FBXO47: variants seen among roughly 807,000 people sequenced by gnomAD.
FBXO47 encodes F-box only protein 47.
In FBXO47, 34 loss-of-function variants were observed where a neutral mutation model predicts 53.9. The observed-to-expected ratio is 0.63, with a 90% CI of 0.48 to 0.84. The LOEUF is 0.84. Among genes scored for constraint, FBXO47 ranks in the 40% least tolerant of loss-of-function variants. The pLI is 0.00. For synonymous variants in FBXO47, 165 were observed against 181.6 expected (o/e 0.91, Z 0.73); for missense variants, 485 against 541.3 (o/e 0.90, Z 1.03).
At chr17:38,944,838 GCGTGCATGCA>G in intron 7 of FBXO47, 112 bp downstream of exon 7, 1 of 747,278 alleles carries the variant, frequency 1.3e-6, no homozygotes, top group Non-Finnish European at 2.1e-6. Flanking sequence ...ACCACTGTGT[GCGTGCATGCA>G]TGTGTGTGTG....
At chr17:38,952,293 A>C (rs142695327) in intron 5 of FBXO47, among the ~76,000 whole-genome samples, 7 of 152,064 alleles carry the variant, frequency 4.6e-5, no homozygotes, top group South Asian at 2.1e-4. Flanking sequence ...CTGCACTCCA[A>C]CCTGGGCAAC....
chr17:38,943,632 A>C lies in FBXO47; in HGVS notation c.898T>G (p.Trp300Gly). The C allele has an allele frequency of 6.2e-7, 1 of 1,606,740 alleles. No individual in the cohort carries two copies. The highest frequency in any genetic ancestry group is 1.1e-5 in the South Asian group (1 of 89,770). The change falls in exon 8 of 11, where the codon TGG becomes GGG. Residue 300 changes from tryptophan (W) to glycine (G), a missense_variant. Coordinates refer to ENST00000378079, the MANE Select transcript of FBXO47 (RefSeq NM_001008777.3). ...KLLYDASTKE[W>G]TADDVISLVD... ...AGACTGATAACATCATCTGCTGTCC[A>C]CTCTTTAGTGCTAGCGTCATATAGT...
chr17:38,964,576 G>A (rs920595638), intron 1 of FBXO47, among the ~76,000 whole-genome samples: 5 of 151,744 alleles, frequency 3.3e-5, no homozygotes, highest in Admixed American at 1.3e-4. Flanking sequence ...CATGAGAATC[G>A]CTTGAACCCG....
chr17:38,940,832 C>T (rs1378946536), intron 9 of FBXO47, among the ~76,000 whole-genome samples: 2 of 151,782 alleles, frequency 1.3e-5, no homozygotes, highest in Non-Finnish European at 2.9e-5. Flanking sequence ...CACACCACCA[C>T]ACCCAGCTAG....
chr17:38,949,455 TAACAAC>T (rs376365030), intron 6 of FBXO47, among the ~76,000 whole-genome samples: 3 of 150,822 alleles, frequency 2.0e-5, no homozygotes, highest in East Asian at 1.9e-4. Context: ...AAAACAACAA[TAACAAC>T]AACAACAACA....
At chr17:38,946,028 A>T (rs1329341709) in intron 6 of FBXO47, among the ~76,000 whole-genome samples, 1 of 133,862 alleles carries the variant, frequency 7.5e-6, no homozygotes, top group Non-Finnish European at 1.5e-5. Flanking sequence ...AAAATATAAA[A>T]ATATATATAA....
chr17:38,946,409 G>GAT (rs1302200901), intron 6 of FBXO47, among the ~76,000 whole-genome samples: 7 of 52,028 alleles, frequency 1.3e-4, no homozygotes, highest in East Asian at 7.3e-4. Context: ...TAAATATATA[G>GAT]ATATATATAT....
At chr17:38,954,058 C>T (rs1305789990) in intron 5 of FBXO47, among the ~76,000 whole-genome samples, 2 of 151,710 alleles carry the variant, frequency 1.3e-5, no homozygotes, top group Non-Finnish European at 2.9e-5. Flanking sequence ...TTTGGGAGGC[C>T]GAGGTGGGTG....
At position 38,942,781 on chromosome 17, in the gene FBXO47, A is replaced by C. The variant is rs919990119; in HGVS notation, c.1080T>G (p.Ala360=). The C allele has an allele frequency of 6.2e-7, 1 of 1,601,728 alleles. No individual in the cohort carries two copies. Among genetic ancestry groups the C allele is most frequent in the South Asian group, 1.1e-5 (1 of 88,326 alleles). Residue 360 remains alanine (A), a synonymous_variant, in exon 9 of 11, where the codon GCT becomes GCG. Transcript: ENST00000378079. ...AGAAAAACTTATTTTTACTTACCAA[A>C]GCCAAAAAGACTACGAGCCTTGCCA... ...IELARLVVFL[A]LVCEKELYCM... is the part of the protein sequence containing the mutation.
At chr17:38,946,904 A>AT (rs1356519690) in intron 6 of FBXO47, among the ~76,000 whole-genome samples, 10 of 121,006 alleles carry the variant, frequency 8.3e-5, no homozygotes, top group African/African-American at 2.0e-4. Context: ...AAACATATAT[A>AT]AATATATATA....
intron 3 of FBXO47, among the ~76,000 whole-genome samples, chr17:38,960,861 A>G (rs1216829680): frequency 6.6e-6 from 1 of 151,990 alleles, no homozygotes; most frequent in Non-Finnish European, 1.5e-5. Context: ...TGAACTCCTG[A>G]CCTCAGGTGA....
chr17:38,937,312 G>T, intron 10 of FBXO47, 22 bp from the exon 11 acceptor site: 1 of 1,018,670 alleles, frequency 9.8e-7, no homozygotes, highest in Non-Finnish European at 1.5e-6. Context: ...ACATAGTGGG[G>T]AAAAGAAAAT....
intron 6 of FBXO47, among the ~76,000 whole-genome samples, chr17:38,947,522 G>A (rs938114408): frequency 7.9e-5 from 12 of 152,014 alleles, no homozygotes; most frequent in Non-Finnish European, 1.3e-4. Flanking sequence ...TGCTCAGGCT[G>A]GTTTTGAACT....
chr17:38,952,815 C>CTTTTTTTTTTTTTTTTTTTTTTTTTTT (rs139105548), intron 5 of FBXO47, among the ~76,000 whole-genome samples: 3 of 115,354 alleles, frequency 2.6e-5, no homozygotes, highest in East Asian at 5.6e-4. Flanking sequence ...TTATTTATGA[C>CTTTTTTTTTTTTTTTTTTTTTTTTTTT]TTTTTTTTTT....
chr17:38,941,241 C>T (rs959779743), intron 9 of FBXO47, among the ~76,000 whole-genome samples: 2 of 151,760 alleles, frequency 1.3e-5, no homozygotes, highest in African/African-American at 4.9e-5. Flanking sequence ...GCATGATCTG[C>T]TCACTGCAAC....
chr17:38,944,560 G>C (rs529248174), intron 7 of FBXO47, among the ~76,000 whole-genome samples: 42 of 151,886 alleles, frequency 2.8e-4, no homozygotes, highest in Admixed American at 5.3e-4. Flanking sequence ...AAATTAGCCA[G>C]GCATGGTGGC....
intron 6 of FBXO47, among the ~76,000 whole-genome samples, chr17:38,949,760 T>C (rs1339723419): frequency 6.6e-6 from 1 of 152,152 alleles, no homozygotes; most frequent in East Asian, 1.9e-4. Context: ...TCTGAGACAG[T>C]GTCTCACTCC....
At position 38,944,971 on chromosome 17, in the gene FBXO47, G is replaced by A. The variant is rs1338334545; in HGVS notation, c.782C>T (p.Ser261Phe). The change falls in exon 7 of 11, where the codon TCT (serine) becomes TTT (phenylalanine). Residue 261 changes from serine to phenylalanine, a missense_variant. Physicochemically the swap from Ser to Phe is radical, Grantham distance 155. Transcript: ENST00000378079. Reference protein sequence around the residue: ...RLLYIIFGPISPQDGQVVWQE... With the variant: ...RLLYIIFGPIFPQDGQVVWQE... Reference sequence around the variant, plus strand: ...AGATGGGTGCTCACCATCTTGAGGAGATATTGGCCCAAAGATGATATACAG... The same window carrying A: ...AGATGGGTGCTCACCATCTTGAGGAAATATTGGCCCAAAGATGATATACAG... 3 of 1,613,628 alleles carry A rather than the reference G, an allele frequency of 1.9e-6. No homozygotes were observed. The highest frequency in any genetic ancestry group is 2.2e-5 in the East Asian group (1 of 44,848).
chr17:38,944,393 C>A (rs1046673682), intron 7 of FBXO47, among the ~76,000 whole-genome samples: 4 of 151,174 alleles, frequency 2.6e-5, no homozygotes, highest in Admixed American at 2.0e-4. Context: ...ACGGTGAAAC[C>A]CCGTCTTTAC....
Sources: allele counts gnomAD v4.1 joint callset (sites outside exome capture counted in the v4.1 genomes callset), GRCh38; gene constraint gnomAD v4.1.1; transcripts MANE v1.5; gene names NCBI Gene and HGNC (gene_info 2026-07-23, HGNC 2026-07-21).